NRIP1: variants seen among roughly 807,000 people sequenced by gnomAD.
NRIP1 encodes the protein nuclear receptor-interacting protein 1.
Under a neutral mutation model 75.0 loss-of-function variants are expected in NRIP1, and 28 were observed. The observed-to-expected ratio is 0.37, with a 90% CI of 0.28 to 0.51. NRIP1 has a LOEUF of 0.51. Ranked by LOEUF, NRIP1 falls within the 20% of genes least tolerant of loss-of-function variation. The pLI, the probability that NRIP1 is intolerant of heterozygous loss-of-function variation, is 0.92. For synonymous variants in NRIP1, 526 were observed against 487.6 expected (o/e 1.08, Z -1.04); for missense variants, 1,435 against 1,343.7 (o/e 1.07, Z -1.06).
intron 1 of NRIP1, chr21:15,051,272 CTGTG>C (rs761006508): frequency 1.7e-5 from 3 of 174,302 alleles, no homozygotes; most frequent in African/African-American, 7.4e-5. Flanking sequence ...ACACAGAACT[CTGTG>C]TGTGTGTGCG....
At chr21:14,982,708 GTTTTTTTTTTGT>G (rs148671913) in intron 3 of NRIP1, among the ~76,000 whole-genome samples, 16,448 of 85,576 alleles carry the variant, frequency 0.19, 1,545 homozygotes, top group African/African-American at 0.39. Context: ...GTTTTTTTTT[GTTTTTTTTTTGT>G]TTTTTTTTTT....
intron 3 of NRIP1, among the ~76,000 whole-genome samples, chr21:14,977,870 A>C (rs557498751): frequency 1.3e-5 from 2 of 152,324 alleles, no homozygotes; most frequent in Middle Eastern, 3.4e-3. Flanking sequence ...TGCTCAACTG[A>C]GGGCCTCAAC....
At chr21:14,993,832 G>T (rs574076323) in intron 3 of NRIP1, among the ~76,000 whole-genome samples, 1 of 151,898 alleles carries the variant, frequency 6.6e-6, no homozygotes, top group South Asian at 2.1e-4. Context: ...AACACAGGAG[G>T]TCCTCAAGAA....
chr21:15,042,117 G>A (rs1362826708), intron 2 of NRIP1, among the ~76,000 whole-genome samples: 1 of 152,130 alleles, frequency 6.6e-6, no homozygotes, highest in Admixed American at 6.5e-5. Flanking sequence ...GCTTGACAGT[G>A]ATTAAGAAAA....
At chr21:15,015,692 T>G (rs1165598455) in intron 2 of NRIP1, among the ~76,000 whole-genome samples, 1 of 152,150 alleles carries the variant, frequency 6.6e-6, no homozygotes, top group Admixed American at 6.5e-5. Flanking sequence ...TATGAAATTA[T>G]ATACTATATA....
At chr21:15,033,268 A>G (rs7279087) in intron 2 of NRIP1, among the ~76,000 whole-genome samples, 20,831 of 151,052 alleles carry the variant, frequency 0.14, 2,656 homozygotes, top group African/African-American at 0.33. Context: ...TGCCAGGACT[A>G]CGTTAAATGC....
At chr21:14,968,681 T>C (rs973299053) in intron 3 of NRIP1, among the ~76,000 whole-genome samples, 155 bp from the exon 4 acceptor site, 3 of 152,182 alleles carry the variant, frequency 2.0e-5, no homozygotes, top group African/African-American at 7.2e-5. Context: ...AGTAATTTGT[T>C]TTATTGCCGT....
rs566940242 is a variant in NRIP1 at position 15,027,522 on chromosome 21, C to A, written c.-457-13056G>T. Among the ~76,000 whole-genome samples, 13 of 152,244 alleles carry A rather than the reference C, an allele frequency of 8.5e-5. 1 individual carries two copies. In the Middle Eastern group the frequency reaches 0.017, roughly 199 times the overall value. On this transcript the variant is annotated intron_variant, in intron 2 of 3. Coordinates refer to ENST00000318948, the MANE Select transcript of NRIP1 (RefSeq NM_003489.4). ...AACCAAAGGAGTATATAAAGAGATA[C>A]ACTCAAAAGAATTGAAAAACTGACT...
chr21:15,036,139 C>T (rs1371832957), intron 2 of NRIP1, among the ~76,000 whole-genome samples: 2 of 152,058 alleles, frequency 1.3e-5, no homozygotes, highest in Non-Finnish European at 2.9e-5. Context: ...TGAATAAAGC[C>T]AGAAGATCAA....
intron 2 of NRIP1, 62 bp from the exon 3 acceptor site, chr21:15,014,528 G>C (rs528235904): frequency 2.1e-4 from 83 of 398,032 alleles, no homozygotes; most frequent in Non-Finnish European, 3.4e-4. Context: ...AATACCTTTT[G>C]ATCAAGTTCA....
chr21:15,030,246 G>A (rs946789630), intron 2 of NRIP1, among the ~76,000 whole-genome samples: 1 of 152,186 alleles, frequency 6.6e-6, no homozygotes, highest in African/African-American at 2.4e-5. Context: ...TTCATTAACT[G>A]CCAATACTCC....
At chr21:14,974,600 T>C (rs2086998014) in intron 3 of NRIP1, among the ~76,000 whole-genome samples, 1 of 152,100 alleles carries the variant, frequency 6.6e-6, no homozygotes, top group Admixed American at 6.6e-5. Context: ...AATTTGGTGT[T>C]CCAAAAATCA....
At chr21:15,045,225 G>A (rs375570143) in intron 1 of NRIP1, among the ~76,000 whole-genome samples, 43 of 152,022 alleles carry the variant, frequency 2.8e-4, no homozygotes, top group Admixed American at 3.9e-4. Flanking sequence ...GCTGTCTGAC[G>A]TCCTATACCA....
At chr21:14,973,159 T>C (rs2086951154) in intron 3 of NRIP1, among the ~76,000 whole-genome samples, 3 of 152,166 alleles carry the variant, frequency 2.0e-5, no homozygotes. Flanking sequence ...GTATGGTATA[T>C]ACTTGTTAAA....
At chr21:15,065,143 C>CG (rs1978775203), upstream of NRIP1, 3 of 152,410 alleles carry the variant, frequency 2.0e-5, no homozygotes, top group Admixed American at 2.0e-4. Flanking sequence ...ACCCTTTTCT[C>CG]CCCCTCCCTC....
At chr21:15,031,389 G>A (rs1233367221) in intron 2 of NRIP1, among the ~76,000 whole-genome samples, 13 of 131,902 alleles carry the variant, frequency 9.9e-5, no homozygotes, top group South Asian at 2.7e-4. Flanking sequence ...TCTGGAAGGC[G>A]CTCGGAGGAT....
chr21:14,965,051 C>G lies in NRIP1; in HGVS notation c.3142G>C (p.Asp1048His), dbSNP rs1179276959. Reference sequence around the variant, plus strand: ...TTTTCATACTCATTCTTCTCCGCATCAGTGATAACCCACTTAATGGGTCCT... The same window carrying G: ...TTTTCATACTCATTCTTCTCCGCATGAGTGATAACCCACTTAATGGGTCCT... Reference protein sequence around the residue: ...EKGPIKWVITDAEKNEYEKDS... With the variant: ...EKGPIKWVITHAEKNEYEKDS... Residue 1048 changes from aspartate to histidine, a missense_variant, in exon 4 of 4, where the codon GAT becomes CAT. By Grantham distance (81) the Asp-to-His change is moderately conservative. Transcript: ENST00000318948. 6.2e-7 allele frequency: 1 copy of G among 1,613,898 alleles called. No homozygotes were observed. Among genetic ancestry groups the G allele is most frequent in the Non-Finnish European group, 8.5e-7 (1 of 1,179,910 alleles).
chr21:15,028,283 T>C (rs1329768359), intron 2 of NRIP1, among the ~76,000 whole-genome samples: 4 of 152,222 alleles, frequency 2.6e-5, no homozygotes, highest in African/African-American at 9.6e-5. Flanking sequence ...GAGAAGCCAT[T>C]CATCCTGATA....
At chr21:14,985,839 C>A (rs2087385051) in intron 3 of NRIP1, among the ~76,000 whole-genome samples, 1 of 151,832 alleles carries the variant, frequency 6.6e-6, no homozygotes, top group South Asian at 2.1e-4. Flanking sequence ...AGATGAAAAC[C>A]CAGTTAACAT....
Sources: allele counts gnomAD v4.1 joint callset (sites outside exome capture counted in the v4.1 genomes callset), GRCh38; gene constraint gnomAD v4.1.1; transcripts MANE v1.5; gene names NCBI Gene and HGNC (gene_info 2026-07-23, HGNC 2026-07-21).